LLGL2: variants seen among roughly 807,000 people sequenced by gnomAD.
LLGL2 encodes the protein LLGL scribble cell polarity complex component 2.
In LLGL2, 81 loss-of-function variants were observed where a neutral mutation model predicts 123.2. The ratio of observed to expected loss-of-function variants is 0.66; its 90% CI spans 0.55 to 0.79. The LOEUF is 0.79. LLGL2 is among the 30% of genes least tolerant of loss of function. LLGL2 has a pLI of 0.00. For synonymous variants in LLGL2, 577 were observed against 594.1 expected, an observed-to-expected ratio of 0.97 and a Z score of 0.42; for missense variants, 1,273 against 1,414.6, an observed-to-expected ratio of 0.90 and a Z score of 1.61.
chr17:75,570,322 C>A (rs1393512132), intron 15 of LLGL2, 26 bp from the exon 16 acceptor site: 18 of 1,609,658 alleles, frequency 1.1e-5, no homozygotes, highest in Non-Finnish European at 2.5e-6. Context: ...GACCTAGCAG[C>A]ACTGACAGCC....
At position 75,573,257 on chromosome 17, in the gene LLGL2, G is replaced by A. The variant is rs116584891; in HGVS notation, c.2704G>A (p.Val902Ile). Residue 902 changes from valine to isoleucine, a missense_variant, in exon 20 of 26, where the codon GTC becomes ATC. Val to Ile is a conservative substitution (Grantham distance 29, BLOSUM62 3). Transcript: ENST00000392550. ...GGACGTCAGTGGCATCGCCTCCTGC[G>A]TCTTCACCAAATATGGCCAAGGTGT... is the stretch of plus-strand genomic sequence containing the variant. ...REDVSGIASCVFTKYGQGFYL... is the reference protein window; with the variant it reads ...REDVSGIASCIFTKYGQGFYL... The A allele has an allele frequency of 2.3e-4, 372 of 1,603,632 alleles. 3 individuals are homozygous for A. The African/African-American group carries it at 4.4e-3, about 19-fold the overall frequency.
intron 1 of LLGL2, among the ~76,000 whole-genome samples, chr17:75,528,747 C>T (rs2053666638): frequency 6.6e-6 from 1 of 151,390 alleles, no homozygotes; most frequent in Admixed American, 6.6e-5. Context: ...TCAAAACAAA[C>T]AAACAAACAA....
chr17:75,526,116 C>T (rs2053557818), intron 1 of LLGL2, among the ~76,000 whole-genome samples: 1 of 152,196 alleles, frequency 6.6e-6, no homozygotes, highest in Non-Finnish European at 1.5e-5. Flanking sequence ...GGTGCCCCGG[C>T]CGGCTGGGTG....
In LLGL2 at chr17:75,563,010, G is replaced by A. The variant is rs1478810207; in HGVS notation, c.531-6G>A. The A allele has an allele frequency of 6.8e-6, 11 of 1,610,870 alleles. No homozygotes were observed. The highest frequency in any genetic ancestry group is 3.3e-5 in the South Asian group (3 of 91,076). On this transcript the variant is annotated splice_region_variant and splice_polypyrimidine_tract_variant and intron_variant, in intron 6 of 25. Coordinates refer to ENST00000392550, the MANE Select transcript of LLGL2 (RefSeq NM_001031803.2). ...ATCGGAGGCTCACGGCACTCCCCTCGCCCAGGTTGCCAGAGGAGGCCCGCC... is the reference window on the plus strand; with the variant it reads ...ATCGGAGGCTCACGGCACTCCCCTCACCCAGGTTGCCAGAGGAGGCCCGCC...
At chr17:75,527,961 ATT>A (rs146301005) in intron 1 of LLGL2, among the ~76,000 whole-genome samples, 1 of 136,226 alleles carries the variant, frequency 7.3e-6, no homozygotes, top group Non-Finnish European at 1.6e-5. Context: ...CTAATTTTCT[ATT>A]TTTTTTTTAG....
intron 1 of LLGL2, chr17:75,543,110 C>T: frequency 4.3e-6 from 1 of 234,318 alleles, no homozygotes; most frequent in South Asian, 1.7e-4. Context: ...GGCCCGCCGG[C>T]CCTCCTTGTG....
intron 2 of LLGL2, among the ~76,000 whole-genome samples, chr17:75,545,858 G>A (rs1192459119): frequency 6.6e-6 from 1 of 152,180 alleles, no homozygotes; most frequent in Non-Finnish European, 1.5e-5. Flanking sequence ...CATGAATTGA[G>A]CAGGGTTTCT....
At chr17:75,550,632 A>G (rs2054622614) in intron 2 of LLGL2, among the ~76,000 whole-genome samples, 1 of 151,980 alleles carries the variant, frequency 6.6e-6, no homozygotes, top group African/African-American at 2.4e-5. Context: ...AAAAAATACA[A>G]AAATTAGCCA....
rs1415771048 is a variant in LLGL2, at chr17:75,537,895, G to A, written c.-30-5502G>A. Among the ~76,000 whole-genome samples the A allele has an allele frequency of 5.5e-5, 8 of 146,538 alleles. No homozygotes were observed. In the East Asian group the frequency reaches 8.2e-4, roughly 15 times the overall value. On this transcript the variant is annotated intron_variant, in intron 1 of 25. Coordinates refer to ENST00000392550, the MANE Select transcript of LLGL2 (RefSeq NM_001031803.2). ...ACAATCTCGATTCACTGCAGCCTCC[G>A]CCTCCTGGGTTCAAGCAATTCTCCT... is the stretch of plus-strand genomic sequence containing the variant.
intron 1 of LLGL2, among the ~76,000 whole-genome samples, chr17:75,533,074 A>G (rs2053862996): frequency 6.6e-6 from 1 of 151,392 alleles, no homozygotes; most frequent in African/African-American, 2.4e-5. Flanking sequence ...ATCTCGGCTC[A>G]CTGCAAGCTC....
At chr17:75,562,995 C>G (rs1220640730) in intron 6 of LLGL2, 21 bp from the exon 7 acceptor site, 1 of 1,608,904 alleles carries the variant, frequency 6.2e-7, no homozygotes, top group African/African-American at 1.3e-5. Flanking sequence ...ATCGGAGGCT[C>G]ACGGCACTCC....
chr17:75,526,693 C>T (rs1351976519), intron 1 of LLGL2, among the ~76,000 whole-genome samples: 1 of 152,068 alleles, frequency 6.6e-6, no homozygotes, highest in East Asian at 1.9e-4. Flanking sequence ...CCAGGGACCC[C>T]CTGCTGGAGT....
chr17:75,538,689 G>T (rs2054097005), intron 1 of LLGL2: 1 of 152,150 alleles, frequency 6.6e-6, no homozygotes, highest in Admixed American at 6.6e-5. Context: ...ACGTGGCCAG[G>T]TCCAAGGAGA....
intron 25 of LLGL2, 34 bp downstream of exon 25, chr17:75,574,702 C>G: frequency 6.2e-7 from 1 of 1,605,960 alleles, no homozygotes; most frequent in Non-Finnish European, 8.5e-7. Context: ...AGCTGCCAAC[C>G]GTGCTGGGAA....
In LLGL2 at chr17:75,544,824, G is replaced by A. The variant is rs189229294; in HGVS notation, c.75+1323G>A. ...GGTGTCCCTGATGGAGCTTTGCCAC[G>A]AGGACATTTGCCTCTGGAATTAGGG... On this transcript the variant is annotated intron_variant, in intron 2 of 25. Coordinates refer to ENST00000392550, the MANE Select transcript of LLGL2 (RefSeq NM_001031803.2). This position sits in a 1 kb window ranked among gnomAD's most constrained non-coding sequence, Gnocchi z 4.2. Among the ~76,000 whole-genome samples the A allele has an allele frequency of 5.9e-5, 9 of 152,246 alleles. No individual in the cohort carries two copies. The highest frequency in any genetic ancestry group is 1.3e-4 in the Admixed American group (2 of 15,288).
At chr17:75,562,828 CCAAAGTGCTGGGATTA>C in intron 6 of LLGL2, 172 bp from the exon 7 acceptor site, 1 of 704,982 alleles carries the variant, frequency 1.4e-6, no homozygotes. Flanking sequence ...CCTTGGGCTC[CCAAAGTGCTGGGATTA>C]CAGGCATGAG....
At position 75,570,648 on chromosome 17, in the gene LLGL2, T is replaced by A. The variant is rs1216160942; in HGVS notation, c.2025+150T>A. 50 of 943,646 alleles carry A rather than the reference T, an allele frequency of 5.3e-5. No individual in the cohort carries two copies. The Admixed American group carries it at 1.4e-3, about 26-fold the overall frequency. The allele number at this position is 943,646 out of a possible 1,614,324, so 58.5% of individuals were successfully genotyped here. On this transcript the variant is annotated intron_variant, in intron 16 of 25. Coordinates refer to ENST00000392550, the MANE Select transcript of LLGL2 (RefSeq NM_001031803.2). ...GTCGCATTGTGTGACCTCAGACAGG[T>A]CACGCTGCTTCTCTCTGCCTCAGCT...
chr17:75,571,188 C>A, intron 17 of LLGL2, 88 bp downstream of exon 17: 1 of 1,308,162 alleles, frequency 7.6e-7, no homozygotes, highest in Non-Finnish European at 1.1e-6. Context: ...CTGCTGCCTG[C>A]CTGGCTGGTA....
Position 75,549,428 on chromosome 17 carries a change from G to A in LLGL2, c.75+5927G>A, listed in dbSNP as rs1046043602. The stretch of plus-strand genomic sequence containing the variant: ...TTGCCCGGCTGCCGCAGAAGCACCT[G>A]CCTGGGCCTTCCCTGCCCGTGCCCA... On this transcript the variant is annotated intron_variant, in intron 2 of 25. Transcript: ENST00000392550. This position sits in a 1 kb window ranked among gnomAD's most constrained non-coding sequence, Gnocchi z 4.0. Among the ~76,000 whole-genome samples the A allele has an allele frequency of 6.6e-6, 1 of 152,214 alleles. No homozygotes were observed. The highest frequency in any genetic ancestry group is 6.5e-5 in the Admixed American group (1 of 15,286).
Sources: allele counts gnomAD v4.1 joint callset (sites outside exome capture counted in the v4.1 genomes callset), GRCh38; gene constraint gnomAD v4.1.1; non-coding constraint Gnocchi (gnomAD v3.1); transcripts MANE v1.5; gene names NCBI Gene and HGNC (gene_info 2026-07-23, HGNC 2026-07-21).